Variants in SIMC1 observed in about 807,000 individuals in gnomAD.
The protein encoded by SIMC1 is SUMO-interacting motif-containing protein 1.
SIMC1 carries 55 observed loss-of-function variants against 82.3 expected under a neutral mutation model. The ratio of observed to expected loss-of-function variants is 0.67; its 90% CI spans 0.54 to 0.84. The LOEUF (loss-of-function observed/expected upper bound fraction) is 0.84. SIMC1 is among the 40% of genes least tolerant of loss of function. The pLI, the probability that SIMC1 is intolerant of heterozygous loss-of-function variation, is 0.00. For missense variants in SIMC1, 915 were observed against 1,107.2 expected, an observed-to-expected ratio of 0.83 and a Z score of 2.46; for synonymous variants, 353 against 426.3, an observed-to-expected ratio of 0.83 and a Z score of 2.12.
intron 9 of SIMC1, among the ~76,000 whole-genome samples, chr5:176,340,732 A>G (rs1236430318): frequency 6.6e-6 from 1 of 152,262 alleles, no homozygotes; most frequent in East Asian, 1.9e-4. Context: ...ATCCTAAATG[A>G]ATAATGATAC....
chr5:176,267,904 G>A (rs1170097920), intron 1 of SIMC1, among the ~76,000 whole-genome samples: 2 of 147,298 alleles, frequency 1.4e-5, no homozygotes, highest in East Asian at 2.0e-4. Flanking sequence ...CTACAGGTGC[G>A]CACCATCACG....
intron 1 of SIMC1, among the ~76,000 whole-genome samples, chr5:176,281,243 T>G (rs1267125383): frequency 6.6e-6 from 1 of 152,276 alleles, no homozygotes; most frequent in African/African-American, 2.4e-5. Context: ...GGCTTCTGCA[T>G]GCTTCACGTA....
At chr5:176,321,157 TA>T (rs1765140525) in intron 5 of SIMC1, among the ~76,000 whole-genome samples, 1 of 152,234 alleles carries the variant, frequency 6.6e-6, no homozygotes, top group African/African-American at 2.4e-5. Flanking sequence ...CTATAAAATA[TA>T]TTTTTTTACT....
rs1193012995 is a variant in SIMC1, at chr5:176,345,482, G to A, written c.*37G>A. 2.5e-6 allele frequency: 4 copies of A among 1,582,722 alleles called. No individual in the cohort carries two copies. Among genetic ancestry groups the A allele is most frequent in the Non-Finnish European group, 1.7e-6 (2 of 1,164,736 alleles). Reference sequence around the variant, plus strand: ...GCACTGAATGCCAAGAATACCTCCTGAACTCTCTCTCCAACTGCTCAGAAG... The same window carrying A: ...GCACTGAATGCCAAGAATACCTCCTAAACTCTCTCTCCAACTGCTCAGAAG... On this transcript the variant is annotated 3_prime_UTR_variant, in exon 10 of 10. Coordinates refer to ENST00000429602, the MANE Select transcript of SIMC1 (RefSeq NM_001308195.2).
chr5:176,304,860 C>T (rs1411915774), intron 4 of SIMC1, among the ~76,000 whole-genome samples: 2 of 148,812 alleles, frequency 1.3e-5, no homozygotes, highest in Non-Finnish European at 3.0e-5. Context: ...ATGTGAGGAG[C>T]GCCTCTGCCT....
At chr5:176,341,417 T>C (rs780863493) in intron 9 of SIMC1, among the ~76,000 whole-genome samples, 1 of 152,160 alleles carries the variant, frequency 6.6e-6, no homozygotes, top group Non-Finnish European at 1.5e-5. Flanking sequence ...AATAACAGAG[T>C]GAAGCCATCA....
At position 176,255,674 on chromosome 5, in the gene SIMC1, A is replaced by G. The variant is rs568834843; in HGVS notation, c.129+17037A>G. 8.7e-5 allele frequency among the ~76,000 whole-genome samples: 13 copies of G among 149,508 alleles called. No homozygotes were observed. In the South Asian group the frequency reaches 2.7e-3, roughly 31 times the overall value. ...AAAATTTTGTTTTCTGTGAAATTTT[A>G]CTTCAGAAAATATCCTGACTAAAAT... On this transcript the variant is annotated intron_variant, in intron 1 of 9. Transcript: ENST00000429602.
chr5:176,306,417 A>T (rs1488969680), intron 4 of SIMC1, among the ~76,000 whole-genome samples: 1 of 111,584 alleles, frequency 9.0e-6, no homozygotes, highest in Non-Finnish European at 2.2e-5. Flanking sequence ...AGGTGTGCCC[A>T]ACAGCTCATT....
chr5:176,310,552 TCA>T (rs1227775491), intron 4 of SIMC1, among the ~76,000 whole-genome samples: 1 of 152,188 alleles, frequency 6.6e-6, no homozygotes, highest in African/African-American at 2.4e-5. Flanking sequence ...TCTCAAATGG[TCA>T]CATAATGTAT....
At chr5:176,292,338 C>T (rs73805774) in intron 2 of SIMC1, among the ~76,000 whole-genome samples, 7,475 of 152,174 alleles carry the variant, frequency 0.049, 230 homozygotes, top group African/African-American at 0.082. Flanking sequence ...ACATCCCATC[C>T]CCCATATTAA....
intron 1 of SIMC1, among the ~76,000 whole-genome samples, chr5:176,248,582 T>C (rs1354371748): frequency 6.6e-6 from 1 of 152,128 alleles, no homozygotes; most frequent in African/African-American, 2.4e-5. Flanking sequence ...TCTCTTCCTA[T>C]TTGAATACCC....
intron 4 of SIMC1, among the ~76,000 whole-genome samples, chr5:176,299,601 A>G (rs1763956484): frequency 6.6e-6 from 1 of 152,234 alleles, no homozygotes. Flanking sequence ...ACAAATATAT[A>G]TGCACTAAAC....
At chr5:176,287,747 A>T (rs908845848) in intron 1 of SIMC1, among the ~76,000 whole-genome samples, 2 of 152,048 alleles carry the variant, frequency 1.3e-5, no homozygotes, top group African/African-American at 4.8e-5. Flanking sequence ...GACAAAAAAA[A>T]GTTTACTCAA....
intron 1 of SIMC1, among the ~76,000 whole-genome samples, chr5:176,269,033 G>T (rs554402632): frequency 6.6e-6 from 1 of 152,138 alleles, no homozygotes; most frequent in Non-Finnish European, 1.5e-5. Context: ...ATTAAAAATT[G>T]TGTCCTTCAG....
intron 1 of SIMC1, among the ~76,000 whole-genome samples, chr5:176,276,087 G>T (rs545065267): frequency 6.6e-6 from 1 of 151,700 alleles, no homozygotes; most frequent in East Asian, 1.9e-4. Flanking sequence ...ATTCGGCTGT[G>T]AATCCATCTG....
chr5:176,291,680 G>A (rs1327241587), intron 2 of SIMC1, among the ~76,000 whole-genome samples: 1 of 152,002 alleles, frequency 6.6e-6, no homozygotes. Context: ...GGGTTTCATT[G>A]TGTTAGCCAG....
chr5:176,255,958 G>A (rs1179966932), intron 1 of SIMC1, among the ~76,000 whole-genome samples: 1 of 152,080 alleles, frequency 6.6e-6, no homozygotes, highest in Non-Finnish European at 1.5e-5. Flanking sequence ...GAAAGTGGAA[G>A]ACCAAAAGGC....
chr5:176,340,674 C>T (rs73342342), intron 9 of SIMC1, among the ~76,000 whole-genome samples: 2,633 of 152,306 alleles, frequency 0.017, 81 homozygotes, highest in African/African-American at 0.059. Context: ...TGAATAAGAC[C>T]AGCATGGCAT....
In SIMC1 at chr5:176,282,910, A is replaced by T. The variant is rs138901414; in HGVS notation, c.130-6744A>T. On this transcript the variant is annotated intron_variant, in intron 1 of 9. Transcript: ENST00000429602. ...TTCAGTAGCCGATTCGATCAACTGG[A>T]AGAAAGGGTATCAGTGATTGAAGAT... Among the ~76,000 whole-genome samples, 253 of 152,370 alleles carry T rather than the reference A, an allele frequency of 1.7e-3. 5 individuals carry two copies. In the East Asian group the frequency reaches 0.04, roughly 24 times the overall value.
Sources: gnomAD v4.1 joint callset for allele counts (sites outside exome capture counted in the v4.1 genomes callset) on GRCh38, gnomAD v4.1.1 for gene constraint, MANE v1.5 for transcripts, NCBI Gene and HGNC (gene_info 2026-07-23, HGNC 2026-07-21) for gene names.